Variants in TRAPPC10 observed in about 807,000 individuals in gnomAD.
The protein encoded by TRAPPC10 is TRAPP 130 kDa subunit.
A neutral mutation model predicts 125.5 loss-of-function variants in TRAPPC10; 23 were observed. That is an observed-to-expected ratio of 0.18 (90% confidence interval 0.13 to 0.26). The LOEUF is 0.26. Among genes scored for constraint, TRAPPC10 ranks in the 10% least tolerant of loss-of-function variants. TRAPPC10 has a pLI of 1.00. For missense variants in TRAPPC10, 1,123 were observed against 1,308.4 expected (o/e 0.86, Z 2.19); for synonymous variants, 509 against 518.0 (o/e 0.98, Z 0.24).
intron 7 of TRAPPC10, among the ~76,000 whole-genome samples, chr21:44,064,905 A>G (rs1016277382): frequency 6.6e-6 from 1 of 152,088 alleles, no homozygotes; most frequent in African/African-American, 2.4e-5. Context: ...GAAAAGAAAC[A>G]TTTTCCACCT....
intron 3 of TRAPPC10, among the ~76,000 whole-genome samples, chr21:44,039,736 A>G (rs1279360802): frequency 6.6e-6 from 1 of 152,188 alleles, no homozygotes; most frequent in Non-Finnish European, 1.5e-5. Flanking sequence ...GTGGTGGCAC[A>G]TGCCTGTAAT....
chr21:44,038,591 A>G (rs1449030515), intron 3 of TRAPPC10, among the ~76,000 whole-genome samples: 1 of 152,132 alleles, frequency 6.6e-6, no homozygotes, highest in Non-Finnish European at 1.5e-5. Flanking sequence ...TGAATCCAGA[A>G]AGAACCTTTT....
At chr21:44,070,313 AT>A (rs1371749578) in intron 7 of TRAPPC10, among the ~76,000 whole-genome samples, 1 of 152,252 alleles carries the variant, frequency 6.6e-6, no homozygotes, top group Admixed American at 6.5e-5. Context: ...TTTAAGGAAA[AT>A]TAATATAAAT....
chr21:44,088,314 G>A, intron 17 of TRAPPC10: 1 of 222,496 alleles, frequency 4.5e-6, no homozygotes, highest in East Asian at 1.1e-4. Context: ...CTCAGCCACG[G>A]AGGAGCTGTC....
intron 7 of TRAPPC10, among the ~76,000 whole-genome samples, chr21:44,067,181 A>G (rs1449593200): frequency 6.6e-6 from 1 of 152,162 alleles, no homozygotes; most frequent in East Asian, 1.9e-4. Flanking sequence ...CGTGCATGGG[A>G]CGCCGTCGGA....
chr21:44,052,549 TAATA>T, intron 4 of TRAPPC10, 73 bp downstream of exon 4: 3 of 1,385,226 alleles, frequency 2.2e-6, no homozygotes. Flanking sequence ...TCCTGGGTAG[TAATA>T]AATATTTACT....
intron 1 of TRAPPC10, among the ~76,000 whole-genome samples, chr21:44,021,284 T>C (rs1395894732): frequency 6.6e-6 from 1 of 152,140 alleles, no homozygotes. Flanking sequence ...CAGTTACTGC[T>C]GAAGGGGCTT....
chr21:44,080,805 C>T (rs1374274048), intron 13 of TRAPPC10, among the ~76,000 whole-genome samples: 1 of 151,716 alleles, frequency 6.6e-6, no homozygotes, highest in Non-Finnish European at 1.5e-5. Flanking sequence ...TCCCAAAGGG[C>T]TGGGATTACA....
intron 3 of TRAPPC10, 40 bp from the exon 4 acceptor site, chr21:44,052,240 A>G (rs1288792830): frequency 1.3e-6 from 2 of 1,506,328 alleles, no homozygotes; most frequent in Non-Finnish European, 1.8e-6. Context: ...ACTAAAGGGC[A>G]TTAGTTAACC....
chr21:44,055,592 A>AAAG, intron 4 of TRAPPC10, 106 bp from the exon 5 acceptor site: 1 of 888,066 alleles, frequency 1.1e-6, no homozygotes, highest in Non-Finnish European at 1.7e-6. Context: ...AAAAAAAAAA[A>AAAG]AGGAGGAGGA....
chr21:44,092,396 G>A (rs1416273006), intron 19 of TRAPPC10, among the ~76,000 whole-genome samples: 3 of 152,218 alleles, frequency 2.0e-5, no homozygotes, highest in East Asian at 1.9e-4. Context: ...GTGCCAGAGC[G>A]ATGGTGCCCG....
rs2037104325 is a variant in TRAPPC10 at position 44,074,215 on chromosome 21, C to T, written c.1039-109C>T. ...ATCACAGAACTGTTAGATGAGGTGG[C>T]TGCTTGAAGGATGGAGGGTTTTGCA... On this transcript the variant is annotated intron_variant, in intron 7 of 22. Coordinates refer to ENST00000291574, the MANE Select transcript of TRAPPC10 (RefSeq NM_003274.5). 4 of 1,355,216 alleles carry T rather than the reference C, an allele frequency of 3.0e-6. No individual in the cohort carries two copies. In the South Asian group the frequency reaches 5.3e-5, roughly 18 times the overall value. The allele number at this position is 1,355,216 out of a possible 1,614,324, so 83.9% of individuals were successfully genotyped here.
intron 1 of TRAPPC10, among the ~76,000 whole-genome samples, chr21:44,020,647 CA>C (rs547867023): frequency 6.7e-6 from 1 of 149,624 alleles, no homozygotes; most frequent in Non-Finnish European, 1.5e-5. Flanking sequence ...AAACAAAAAA[CA>C]AAAAAAAACA....
At chr21:44,081,234 C>T (rs1039389732) in intron 13 of TRAPPC10, among the ~76,000 whole-genome samples, 2 of 151,864 alleles carry the variant, frequency 1.3e-5, no homozygotes, top group Non-Finnish European at 2.9e-5. Context: ...GATTGTAGCC[C>T]ACTGCAACCT....
At position 44,082,742 on chromosome 21, in the gene TRAPPC10, AG is replaced by A. The variant is rs766351573; in HGVS notation, c.1724-44del. Reference sequence around the variant, plus strand: ...CCGCGGCCTGCTGCTGCTTACTGTCAGGAAGTGTGACTTGGGGAGTCACTTA... The same window carrying A: ...CCGCGGCCTGCTGCTGCTTACTGTCAGAAGTGTGACTTGGGGAGTCACTTA... On this transcript the variant is annotated intron_variant, in intron 13 of 22. Coordinates refer to ENST00000291574, the MANE Select transcript of TRAPPC10 (RefSeq NM_003274.5). The surrounding 1 kb of genome is among the most constrained non-coding windows in gnomAD (Gnocchi z 4.4). The A allele has an allele frequency of 6.2e-7, 1 of 1,603,818 alleles. No individual in the cohort carries two copies. Among genetic ancestry groups the A allele is most frequent in the South Asian group, 1.1e-5 (1 of 90,482 alleles).
At chr21:44,057,446 C>T (rs1370619757) in intron 5 of TRAPPC10, among the ~76,000 whole-genome samples, 4 of 151,906 alleles carry the variant, frequency 2.6e-5, no homozygotes, top group African/African-American at 9.7e-5. Flanking sequence ...TACAGGTCTG[C>T]GCCACCACGC....
chr21:44,024,759 T>A (rs2032889760), intron 1 of TRAPPC10, among the ~76,000 whole-genome samples: 1 of 152,208 alleles, frequency 6.6e-6, no homozygotes, highest in South Asian at 2.1e-4. Flanking sequence ...ATAAAATATT[T>A]ACTTCCAAAA....
intron 1 of TRAPPC10, among the ~76,000 whole-genome samples, chr21:44,028,452 A>T (rs372981861): frequency 2.6e-5 from 4 of 152,076 alleles, no homozygotes; most frequent in African/African-American, 9.6e-5. Flanking sequence ...GTCTCTTCCC[A>T]TCTGGGGACT....
Position 44,083,173 on chromosome 21 carries a change from G to T in TRAPPC10, c.2109G>T (p.Leu703=). ...GIICRNVHML[L]RRQESSSSLE... ...TCTGCAGAAACGTCCACATGCTCCT[G>T]AGAAGGCAGGAGAGCAGCTCCTCTC... The change falls in exon 14 of 23, where the codon CTG becomes CTT. Residue 703 remains leucine (L), a synonymous_variant. Coordinates refer to ENST00000291574, the MANE Select transcript of TRAPPC10 (RefSeq NM_003274.5). The T allele has an allele frequency of 6.2e-7, 1 of 1,614,218 alleles. No individual in the cohort carries two copies. Among genetic ancestry groups the T allele is most frequent in the Middle Eastern group, 1.6e-4 (1 of 6,062 alleles).
Sources: allele counts gnomAD v4.1 joint callset (sites outside exome capture counted in the v4.1 genomes callset), GRCh38; gene constraint gnomAD v4.1.1; non-coding constraint Gnocchi (gnomAD v3.1); transcripts MANE v1.5; gene names NCBI Gene and HGNC (gene_info 2026-07-23, HGNC 2026-07-21).